Variants in PTPRM observed in about 807,000 individuals in gnomAD.
The protein encoded by PTPRM is receptor-type tyrosine-protein phosphatase mu.
In PTPRM, 47 loss-of-function variants were observed where a neutral mutation model predicts 186.7. The observed-to-expected ratio is 0.25, with a 90% CI of 0.20 to 0.32. The LOEUF is 0.32. PTPRM is among the 10% of genes least tolerant of loss of function. The pLI is 1.00. For missense variants in PTPRM, 1,494 were observed against 1,865.0 expected, an observed-to-expected ratio of 0.80 and a Z score of 3.66; for synonymous variants, 668 against 674.9, an observed-to-expected ratio of 0.99 and a Z score of 0.16.
At chr18:7,847,504 T>G (rs2046656140) in intron 2 of PTPRM, among the ~76,000 whole-genome samples, 1 of 152,072 alleles carries the variant, frequency 6.6e-6, no homozygotes, top group Non-Finnish European at 1.5e-5. Flanking sequence ...ATTTATTGGC[T>G]TGTGTAGTTG....
chr18:8,289,376 G>A (rs1601649300), intron 19 of PTPRM, among the ~76,000 whole-genome samples: 1 of 146,524 alleles, frequency 6.8e-6, no homozygotes, highest in African/African-American at 2.5e-5. Flanking sequence ...ACTGTTTATA[G>A]GCATGAAAAC....
intron 13 of PTPRM, among the ~76,000 whole-genome samples, chr18:8,118,811 AATATAT>A (rs1555749529): frequency 1.0e-4 from 13 of 128,368 alleles, no homozygotes; most frequent in African/African-American, 3.2e-4. Flanking sequence ...AAAAAAAAAA[AATATAT>A]ATATATATAT....
At chr18:7,793,743 A>T (rs752793890) in intron 2 of PTPRM, among the ~76,000 whole-genome samples, 19 of 152,142 alleles carry the variant, frequency 1.2e-4, no homozygotes, top group Non-Finnish European at 2.4e-4. Context: ...GACCTAGGTG[A>T]GGACAGGCAC....
intron 3 of PTPRM, among the ~76,000 whole-genome samples, chr18:7,903,633 G>A (rs764011814): frequency 2.6e-5 from 4 of 152,116 alleles, no homozygotes; most frequent in Admixed American, 6.5e-5. Context: ...CTCTTGTATT[G>A]TCAGTGGAAA....
rs952904424 is a variant in PTPRM at position 7,878,969 on chromosome 18, A to C, written c.197-9137A>C. On this transcript the variant is annotated intron_variant, in intron 2 of 32. Coordinates refer to ENST00000580170, the MANE Select transcript of PTPRM (RefSeq NM_001105244.2). ...TACTCAATTGTTGTATGTGTGGCTC[A>C]TTTCCTGAGATACAGTCATTAGCGT... Among the ~76,000 whole-genome samples, 13 of 152,292 alleles carry C rather than the reference A, an allele frequency of 8.5e-5. No homozygotes were observed. The South Asian group carries it at 2.7e-3, about 32-fold the overall frequency.
intron 1 of PTPRM, among the ~76,000 whole-genome samples, chr18:7,628,985 A>G (rs1394752195): frequency 1.3e-5 from 2 of 152,216 alleles, no homozygotes; most frequent in Non-Finnish European, 2.9e-5. Flanking sequence ...ACCACTGTGC[A>G]GTCACTTGCT....
chr18:7,961,283 C>T (rs957369526), intron 7 of PTPRM, among the ~76,000 whole-genome samples: 4 of 152,154 alleles, frequency 2.6e-5, no homozygotes, highest in Admixed American at 2.6e-4. Context: ...ACTCTCCACT[C>T]CCCTTCCCCA....
intron 1 of PTPRM, among the ~76,000 whole-genome samples, chr18:7,714,552 C>A (rs1048626646): frequency 1.3e-5 from 2 of 151,964 alleles, no homozygotes; most frequent in African/African-American, 4.8e-5. Flanking sequence ...ACACGAAAAA[C>A]CCTCGAAAAA....
intron 15 of PTPRM, 108 bp from the exon 16 acceptor site, chr18:8,247,737 G>T (rs571729543): frequency 7.9e-6 from 6 of 760,614 alleles, no homozygotes; most frequent in Non-Finnish European, 1.4e-5. Flanking sequence ...AGTGAGTCCC[G>T]GAGTCACCGT....
chr18:7,757,217 T>C (rs1183658036), intron 1 of PTPRM, among the ~76,000 whole-genome samples: 1 of 152,222 alleles, frequency 6.6e-6, no homozygotes, highest in African/African-American at 2.4e-5. Context: ...CCATGTCATC[T>C]TCTGGTCACA....
At chr18:7,751,050 G>C (rs1218398468) in intron 1 of PTPRM, 1 of 148,570 alleles carries the variant, frequency 6.7e-6, no homozygotes, top group Non-Finnish European at 1.5e-5. Flanking sequence ...TTTGCTTTCT[G>C]TATGTGCCAT....
chr18:7,944,916 T>G (rs955135970), intron 5 of PTPRM, among the ~76,000 whole-genome samples: 1 of 152,246 alleles, frequency 6.6e-6, no homozygotes, highest in Admixed American at 6.5e-5. Context: ...AAACTCATGT[T>G]GAAATATTAA....
At chr18:7,984,941 A>ATATACATATATAATTATATACATATAAT (rs1555677238) in intron 7 of PTPRM, among the ~76,000 whole-genome samples, 1 of 43,816 alleles carries the variant, frequency 2.3e-5, no homozygotes, top group Non-Finnish European at 5.2e-5. Flanking sequence ...ATATATACAT[A>ATATACATATATAATTATATACATATAAT]TATATACATA....
At chr18:7,604,612 G>C (rs188660150) in intron 1 of PTPRM, among the ~76,000 whole-genome samples, 2 of 152,342 alleles carry the variant, frequency 1.3e-5, no homozygotes, top group East Asian at 3.9e-4. Context: ...AATATGGAAA[G>C]AATGCGTGTA....
chr18:8,098,701 G>T (rs1184372215), intron 11 of PTPRM, among the ~76,000 whole-genome samples: 1 of 152,042 alleles, frequency 6.6e-6, no homozygotes, highest in Non-Finnish European at 1.5e-5. Flanking sequence ...ACTCCAATTT[G>T]CAGGCTTATA....
At chr18:7,692,984 A>G (rs1240750671) in intron 1 of PTPRM, among the ~76,000 whole-genome samples, 3 of 152,194 alleles carry the variant, frequency 2.0e-5, no homozygotes, top group Non-Finnish European at 4.4e-5. Flanking sequence ...TAGTTTGCTT[A>G]TATTTTGGGA....
intron 2 of PTPRM, among the ~76,000 whole-genome samples, chr18:7,817,596 A>G (rs2044909351): frequency 6.6e-6 from 1 of 150,986 alleles, no homozygotes; most frequent in Non-Finnish European, 1.5e-5. Flanking sequence ...AAATGATTCA[A>G]TATGTGAAGT....
At chr18:8,404,293 A>G (rs1199404036) in intron 32 of PTPRM, 1 of 152,220 alleles carries the variant, frequency 6.6e-6, no homozygotes, top group African/African-American at 2.4e-5. Context: ...AGTGATTGAA[A>G]TGATCTTCTT....
At chr18:7,888,770 C>T (rs894428333) in intron 3 of PTPRM, among the ~76,000 whole-genome samples, 1 of 152,088 alleles carries the variant, frequency 6.6e-6, no homozygotes, top group Non-Finnish European at 1.5e-5. Context: ...AAACATGGTA[C>T]ATACACACCA....
Sources: gnomAD v4.1 joint callset for allele counts (sites outside exome capture counted in the v4.1 genomes callset) on GRCh38, gnomAD v4.1.1 for gene constraint, MANE v1.5 for transcripts, NCBI Gene and HGNC (gene_info 2026-07-23, HGNC 2026-07-21) for gene names.